CFAP54: variants seen among roughly 807,000 people sequenced by gnomAD.
The protein encoded by CFAP54 is cilia and flagella associated protein 54, also known as cilia- and flagella-associated protein 54.
A neutral mutation model predicts 370.4 loss-of-function variants in CFAP54; 290 were observed. That is an observed-to-expected ratio of 0.78 (90% CI 0.71 to 0.86). The LOEUF is 0.86. Among genes scored for constraint, CFAP54 ranks in the 40% least tolerant of loss-of-function variants. The pLI is 0.00. For missense variants in CFAP54, 3,399 were observed against 3,528.7 expected (o/e 0.96, Z 0.93); for synonymous variants, 1,206 against 1,236.5 (o/e 0.98, Z 0.52).
intron 8 of CFAP54, among the ~76,000 whole-genome samples, chr12:96,523,313 C>T (rs779575011): frequency 1.8e-4 from 27 of 152,174 alleles, no homozygotes; most frequent in Non-Finnish European, 2.9e-4. Context: ...CAAAGGCAGC[C>T]GCTGGCAGAA....
At chr12:96,772,413 T>C (rs542978717) in intron 60 of CFAP54, among the ~76,000 whole-genome samples, 15 of 152,298 alleles carry the variant, frequency 9.8e-5, no homozygotes, top group African/African-American at 3.1e-4. Flanking sequence ...CCTTGGCTCA[T>C]GGCCCCTCCC....
At chr12:96,776,664 CG>C (rs1461582831) in intron 60 of CFAP54, among the ~76,000 whole-genome samples, 1 of 152,096 alleles carries the variant, frequency 6.6e-6, no homozygotes, top group African/African-American at 2.4e-5. Flanking sequence ...ACCAGAACTG[CG>C]TAAGTGGTAG....
intron 65 of CFAP54, among the ~76,000 whole-genome samples, chr12:96,824,763 G>T (rs1449377880): frequency 6.6e-6 from 1 of 152,052 alleles, no homozygotes; most frequent in African/African-American, 2.4e-5. Context: ...TGATTTCTCT[G>T]TCTCTTTCCA....
At chr12:96,608,322 C>CAA (rs1250534567) in intron 26 of CFAP54, among the ~76,000 whole-genome samples, 1 of 151,758 alleles carries the variant, frequency 6.6e-6, no homozygotes, top group Non-Finnish European at 1.5e-5. Flanking sequence ...CACACACACA[C>CAA]ACACACACAC....
intron 50 of CFAP54, among the ~76,000 whole-genome samples, chr12:96,737,491 G>GT (rs1324215364): frequency 6.4e-5 from 8 of 124,410 alleles, no homozygotes; most frequent in African/African-American, 1.3e-4. Flanking sequence ...ATATATATAT[G>GT]TTTTGTTTTT....
chr12:96,738,497 C>T (rs770108587), intron 50 of CFAP54, among the ~76,000 whole-genome samples: 11 of 152,014 alleles, frequency 7.2e-5, no homozygotes, highest in South Asian at 4.2e-4. Flanking sequence ...CATTTGCTGG[C>T]GGTCCTTGGC....
At chr12:96,806,201 TATATA>T (rs1958878285) in intron 63 of CFAP54, among the ~76,000 whole-genome samples, 1 of 83,942 alleles carries the variant, frequency 1.2e-5, no homozygotes, top group Admixed American at 1.1e-4. Context: ...TATATATATA[TATATA>T]TATATATAAT....
At chr12:96,522,894 A>G (rs1463649324) in intron 8 of CFAP54, among the ~76,000 whole-genome samples, 1 of 152,214 alleles carries the variant, frequency 6.6e-6, no homozygotes, top group Non-Finnish European at 1.5e-5. Flanking sequence ...AACCAGTCAC[A>G]CAGCCCCTCC....
chr12:96,873,168 A>G (rs1343852011), intron 67 of CFAP54, among the ~76,000 whole-genome samples: 2 of 152,214 alleles, frequency 1.3e-5, no homozygotes, highest in Non-Finnish European at 1.5e-5. Flanking sequence ...TATTTCTGGA[A>G]CAAGGATCAT....
chr12:96,825,924 T>C (rs1959095874), intron 65 of CFAP54, among the ~76,000 whole-genome samples: 1 of 140,184 alleles, frequency 7.1e-6, no homozygotes, highest in South Asian at 2.1e-4. Flanking sequence ...TATTCATATA[T>C]AAATATGTAA....
chr12:96,624,598 A>G (rs998926015), intron 28 of CFAP54, among the ~76,000 whole-genome samples: 1 of 152,222 alleles, frequency 6.6e-6, no homozygotes, highest in Admixed American at 6.5e-5. Context: ...TAGTATTGTC[A>G]CATTTTTAAA....
chr12:96,646,643 A>C (rs1218688132), intron 33 of CFAP54: 2 of 152,224 alleles, frequency 1.3e-5, no homozygotes, highest in East Asian at 1.9e-4. Flanking sequence ...CTATAAAGAC[A>C]CATGCACAAA....
intron 8 of CFAP54, among the ~76,000 whole-genome samples, chr12:96,525,815 C>T (rs1955374226): frequency 1.3e-5 from 2 of 152,270 alleles, no homozygotes; most frequent in Admixed American, 6.5e-5. Flanking sequence ...CTCAGCCTCC[C>T]AAGTAACTGG....
At chr12:96,519,686 A>G (rs372633406) in intron 6 of CFAP54, among the ~76,000 whole-genome samples, 17 of 152,234 alleles carry the variant, frequency 1.1e-4, no homozygotes, top group African/African-American at 3.9e-4. Context: ...GTATATACTT[A>G]TGAGGTACAA....
intron 22 of CFAP54, among the ~76,000 whole-genome samples, chr12:96,585,579 C>T (rs1956069547): frequency 6.6e-6 from 1 of 152,166 alleles, no homozygotes; most frequent in Non-Finnish European, 1.5e-5. Context: ...ACATTGGCCT[C>T]CCAAGGTGCT....
chr12:96,688,947 A>G lies in CFAP54; in HGVS notation c.6046A>G (p.Thr2016Ala). ...FIKSLNVEKKTDCCILSALLF... is the reference protein window; with the variant it reads ...FIKSLNVEKKADCCILSALLF... ...TAAGTCATTGAATGTTGAAAAGAAA[A>G]CTGACTGTTGCATTTTGTCTGCGTT... Residue 2016 changes from threonine (T) to alanine (A), a missense_variant, in exon 43 of 68, where the codon ACT becomes GCT. Transcript: ENST00000524981. 1 of 1,584,360 alleles carries G rather than the reference A, an allele frequency of 6.3e-7. No individual in the cohort carries two copies. Among genetic ancestry groups the G allele is most frequent in the South Asian group, 1.2e-5 (1 of 84,804 alleles).
At chr12:96,500,326 G>A (rs773495041) in intron 1 of CFAP54, among the ~76,000 whole-genome samples, 1 of 152,188 alleles carries the variant, frequency 6.6e-6, no homozygotes, top group East Asian at 1.9e-4. Context: ...AGTGGAGCAC[G>A]GAGGATTTTT....
At chr12:96,599,930 A>G (rs1472737453) in intron 26 of CFAP54, among the ~76,000 whole-genome samples, 4 of 152,174 alleles carry the variant, frequency 2.6e-5, no homozygotes, top group Middle Eastern at 3.2e-3. Context: ...GATAGATTGC[A>G]AAAATTTTCT....
intron 63 of CFAP54, among the ~76,000 whole-genome samples, chr12:96,807,487 G>C (rs990911612): frequency 1.2e-4 from 18 of 152,132 alleles, no homozygotes; most frequent in African/African-American, 4.1e-4. Context: ...CTAAACATAA[G>C]ATACATTTTA....
Sources: allele counts gnomAD v4.1 joint callset (sites outside exome capture counted in the v4.1 genomes callset), GRCh38; gene constraint gnomAD v4.1.1; transcripts MANE v1.5; gene names NCBI Gene and HGNC (gene_info 2026-07-23, HGNC 2026-07-21).